Variants in PLA2G4A observed in about 807,000 individuals in gnomAD.
PLA2G4A encodes the protein phospholipase A2 group IVA.
A neutral mutation model predicts 81.9 loss-of-function variants in PLA2G4A; 40 were observed. The ratio of observed to expected loss-of-function variants is 0.49; its 90% CI spans 0.38 to 0.64. The LOEUF is 0.64. Ranked by LOEUF, PLA2G4A falls within the 30% of genes least tolerant of loss-of-function variation. The pLI, the probability that PLA2G4A is intolerant of heterozygous loss-of-function variation, is 0.00. For synonymous variants in PLA2G4A, 302 were observed against 296.9 expected (o/e 1.02, Z -0.18); for missense variants, 715 against 905.1 (o/e 0.79, Z 2.69).
chr1:186,932,869 C>T lies in PLA2G4A; in HGVS notation c.665C>T (p.Thr222Ile). 1 of 1,612,650 alleles carries T rather than the reference C, an allele frequency of 6.2e-7. No individual in the cohort carries two copies. The highest frequency in any genetic ancestry group is 2.2e-5 in the East Asian group (1 of 44,870). Reference protein sequence around the residue: ...LYESGILDCATYVAGLSGSTW... With the variant: ...LYESGILDCAIYVAGLSGSTW... Reference sequence around the variant, plus strand: ...GAATCAGGAATTCTGGATTGTGCTACCTACGTTGCTGGTCTTTCTGGCTCC... The same window carrying T: ...GAATCAGGAATTCTGGATTGTGCTATCTACGTTGCTGGTCTTTCTGGCTCC... The change falls in exon 8 of 18, where the codon ACC becomes ATC. Residue 222 changes from threonine (T) to isoleucine (I), a missense_variant. Physicochemically the swap from Thr to Ile is moderately conservative, Grantham distance 89. Transcript: ENST00000367466.
At chr1:186,921,532 T>G (rs1655350853) in intron 7 of PLA2G4A, among the ~76,000 whole-genome samples, 1 of 152,174 alleles carries the variant, frequency 6.6e-6, no homozygotes, top group African/African-American at 2.4e-5. Flanking sequence ...CAGGGGCATT[T>G]GGATTCCAGT....
At chr1:186,946,511 T>C in intron 10 of PLA2G4A, 126 bp from the exon 11 acceptor site, 1 of 783,544 alleles carries the variant, frequency 1.3e-6, no homozygotes, top group Non-Finnish European at 2.2e-6. Flanking sequence ...GCTAATGTTT[T>C]CATTTTGATA....
At chr1:186,920,775 G>A (rs559443259) in intron 7 of PLA2G4A, among the ~76,000 whole-genome samples, 38 of 152,322 alleles carry the variant, frequency 2.5e-4, no homozygotes, top group African/African-American at 7.0e-4. Flanking sequence ...GTAAGTCGGC[G>A]TTTCGCCTAG....
At chr1:186,979,564 A>G (rs1165876341) in intron 17 of PLA2G4A, 92 bp downstream of exon 17, 8 of 888,342 alleles carry the variant, frequency 9.0e-6, no homozygotes, top group African/African-American at 1.7e-5. Flanking sequence ...ATAAAAAAAT[A>G]AGTGTTATGA....
intron 17 of PLA2G4A, among the ~76,000 whole-genome samples, chr1:186,984,537 G>C (rs1414537740): frequency 1.3e-5 from 2 of 152,128 alleles, no homozygotes; most frequent in Non-Finnish European, 2.9e-5. Flanking sequence ...TAATTAAAAT[G>C]AGGATACATC....
chr1:186,834,737 A>G (rs1296971328), intron 1 of PLA2G4A, among the ~76,000 whole-genome samples: 2 of 152,176 alleles, frequency 1.3e-5, no homozygotes, highest in Admixed American at 1.3e-4. Context: ...ACATTTCATG[A>G]GTTATGTAAA....
chr1:186,958,854 G>A (rs966516730), intron 14 of PLA2G4A, among the ~76,000 whole-genome samples: 2 of 152,096 alleles, frequency 1.3e-5, no homozygotes, highest in Non-Finnish European at 2.9e-5. Context: ...TGGTGTTGGG[G>A]TTACCAGATA....
At chr1:186,879,313 A>C (rs990100638) in intron 3 of PLA2G4A, among the ~76,000 whole-genome samples, 3 of 152,078 alleles carry the variant, frequency 2.0e-5, no homozygotes, top group African/African-American at 2.4e-5. Flanking sequence ...TATTAAAGAA[A>C]TATAACCCAG....
Position 186,946,945 on chromosome 1 carries a change from A to C in PLA2G4A, c.1248A>C (p.Thr416=). 1 of 1,600,650 alleles carries C rather than the reference A, an allele frequency of 6.2e-7. No individual in the cohort carries two copies. The highest frequency in any genetic ancestry group is 8.6e-7 in the Non-Finnish European group (1 of 1,167,840). ...CTGGTTCACAAAGCAGAGGCTCCAC[A>C]ATGGAGGAAGAATTAGGTATCCTAA... ...GVSGSQSRGS[T]MEEELENITT... The change falls in exon 12 of 18, where the codon ACA becomes ACC. Residue 416 remains threonine, a synonymous_variant. Transcript: ENST00000367466.
intron 14 of PLA2G4A, among the ~76,000 whole-genome samples, chr1:186,958,152 A>T (rs993100392): frequency 6.6e-6 from 1 of 152,028 alleles, no homozygotes; most frequent in African/African-American, 2.4e-5. Flanking sequence ...CAAACTCATT[A>T]TATTTTGTGT....
intron 1 of PLA2G4A, among the ~76,000 whole-genome samples, chr1:186,852,337 T>C (rs909941192): frequency 6.6e-6 from 1 of 152,020 alleles, no homozygotes; most frequent in Admixed American, 6.6e-5. Context: ...AAAGATGATA[T>C]TGGAATAAAA....
intron 7 of PLA2G4A, among the ~76,000 whole-genome samples, chr1:186,929,382 T>A (rs984747952): frequency 1.3e-5 from 2 of 152,230 alleles, no homozygotes; most frequent in Admixed American, 6.5e-5. Flanking sequence ...ATACAATATG[T>A]TCTTGACACA....
At chr1:186,974,797 T>A (rs1259777717) in intron 15 of PLA2G4A, among the ~76,000 whole-genome samples, 2 of 152,222 alleles carry the variant, frequency 1.3e-5, no homozygotes, top group Non-Finnish European at 2.9e-5. Context: ...GTTTCTCAGC[T>A]TTTACAGAGA....
At position 186,894,112 on chromosome 1, in the gene PLA2G4A, T is replaced by C. The variant is rs757547071; in HGVS notation, c.279T>C (p.Asp93=). The C allele has an allele frequency of 2.2e-6, 3 of 1,348,874 alleles. No individual in the cohort carries two copies. The highest frequency in any genetic ancestry group is 3.2e-6 in the Non-Finnish European group (3 of 937,766). 83.6% of individuals were successfully genotyped at this position (1,348,874 alleles called of 1,614,324 possible). A position where few individuals can be genotyped will look rare whatever the true frequency, so the allele number is the denominator to read the frequency against. ...TTACTCTGTAGATTACGTTAATGGA[T>C]GCCAATTATGTCATGGATGAAACTC... is the stretch of plus-strand genomic sequence containing the variant. The part of the protein sequence containing the change: ...QENVLEITLM[D]ANYVMDETLG... Residue 93 remains aspartate (D), a synonymous_variant, in exon 5 of 18, where the codon GAT becomes GAC. Coordinates refer to ENST00000367466, the MANE Select transcript of PLA2G4A (RefSeq NM_024420.3).
At chr1:186,860,117 A>G (rs1411044599) in intron 2 of PLA2G4A, among the ~76,000 whole-genome samples, 1 of 152,138 alleles carries the variant, frequency 6.6e-6, no homozygotes, top group Non-Finnish European at 1.5e-5. Flanking sequence ...CTAGTGTATT[A>G]GGGTTCTCTA....
chr1:186,893,040 T>G lies in PLA2G4A; in HGVS notation c.145T>G (p.Phe49Val). 6.2e-7 allele frequency: 1 copy of G among 1,611,040 alleles called. No homozygotes were observed. Among genetic ancestry groups the G allele is most frequent in the Non-Finnish European group, 8.5e-7 (1 of 1,177,192 alleles). Residue 49 changes from phenylalanine to valine, a missense_variant, in exon 4 of 18, where the codon TTT becomes GTT. Physicochemically the swap from Phe to Val is conservative, Grantham distance 50 (BLOSUM62 -1). Coordinates refer to ENST00000367466, the MANE Select transcript of PLA2G4A (RefSeq NM_024420.3). ...TACTCCAGATCCCTATGTGGAACTTTTTATCTCTACAACCCCTGACAGCAG... is the reference window on the plus strand; with the variant it reads ...TACTCCAGATCCCTATGTGGAACTTGTTATCTCTACAACCCCTGACAGCAG... ...LDTPDPYVEL[F>V]ISTTPDSRKR...
At chr1:186,846,020 G>A (rs1652160630) in intron 1 of PLA2G4A, among the ~76,000 whole-genome samples, 1 of 152,202 alleles carries the variant, frequency 6.6e-6, no homozygotes, top group African/African-American at 2.4e-5. Flanking sequence ...ATTTAGCTTA[G>A]TTATAAGAAA....
intron 15 of PLA2G4A, among the ~76,000 whole-genome samples, chr1:186,974,060 G>A (rs1444438967): frequency 2.7e-5 from 4 of 150,930 alleles, no homozygotes; most frequent in Non-Finnish European, 4.4e-5. Context: ...ATATATGTAT[G>A]TGTGTTCGTA....
At chr1:186,848,722 TACACACAC>T (rs10651334) in intron 1 of PLA2G4A, among the ~76,000 whole-genome samples, 1 of 148,780 alleles carries the variant, frequency 6.7e-6, no homozygotes, top group South Asian at 2.1e-4. Context: ...CTAGTGATTT[TACACACAC>T]ACACACACAC....
Sources: allele counts gnomAD v4.1 joint callset (sites outside exome capture counted in the v4.1 genomes callset), GRCh38; gene constraint gnomAD v4.1.1; transcripts MANE v1.5; gene names NCBI Gene and HGNC (gene_info 2026-07-23, HGNC 2026-07-21).